The following KLRG1 variants were observed in gnomAD, a reference collection of about 807,000 sequenced individuals.
The protein encoded by KLRG1 is killer cell lectin-like receptor subfamily G member 1.
KLRG1 carries 16 observed loss-of-function variants against 21.8 expected under a neutral mutation model. That is an observed-to-expected ratio of 0.73 (90% CI 0.50 to 1.11). The LOEUF (loss-of-function observed/expected upper bound fraction) is 1.11. KLRG1 is among the 50% of genes most tolerant of loss of function. The pLI, the probability that KLRG1 is intolerant of heterozygous loss-of-function variation, is 0.00. For synonymous variants in KLRG1, 69 were observed against 75.9 expected, an observed-to-expected ratio of 0.91 and a Z score of 0.47; for missense variants, 173 against 218.3, an observed-to-expected ratio of 0.79 and a Z score of 1.31.
upstream of KLRG1, among the ~76,000 whole-genome samples, chr12:8,986,351 G>A (rs1226275466): frequency 6.6e-6 from 1 of 152,194 alleles, no homozygotes; most frequent in African/African-American, 2.4e-5. Flanking sequence ...TCAAAGGGAG[G>A]AGAGTTAAAT....
At chr12:9,164,819 T>C in the KLRG1 span, among the ~76,000 whole-genome samples, 1 of 152,218 alleles carries the variant, frequency 6.6e-6, no homozygotes, top group African/African-American at 2.4e-5. Context: ...ATGACTCTCG[T>C]GGAACTGAGA....
At chr12:9,095,708 A>T in the KLRG1 span, 7 of 1,561,354 alleles carry the variant, frequency 4.5e-6, no homozygotes, top group East Asian at 1.6e-4. Context: ...AACCTGTACA[A>T]ATACGAAAGA....
At chr12:9,096,845 C>A in the KLRG1 span, among the ~76,000 whole-genome samples, 5 of 152,300 alleles carry the variant, frequency 3.3e-5, no homozygotes, top group South Asian at 6.2e-4. Context: ...ATGAGACATA[C>A]ATTTTTATCT....
chr12:9,060,646 G>A, the KLRG1 span, among the ~76,000 whole-genome samples: 3 of 151,798 alleles, frequency 2.0e-5, no homozygotes, highest in African/African-American at 4.8e-5. Flanking sequence ...ACAAAAAAAC[G>A]AAAACAAAAA....
chr12:9,031,755 C>T, the KLRG1 span, among the ~76,000 whole-genome samples: 3 of 152,254 alleles, frequency 2.0e-5, no homozygotes, highest in African/African-American at 7.2e-5. Flanking sequence ...GCATTGGTTT[C>T]GCTCAGAAAG....
the KLRG1 span, chr12:9,101,305 A>C: frequency 7.3e-7 from 1 of 1,378,348 alleles, no homozygotes; most frequent in Non-Finnish European, 1.0e-6. Context: ...TGCCGGCAAT[A>C]ATTCACCTCA....
At chr12:9,194,620 C>A in the KLRG1 span, among the ~76,000 whole-genome samples, 58 of 152,068 alleles carry the variant, frequency 3.8e-4, no homozygotes, top group Admixed American at 1.0e-3. Context: ...GCCCGCCACC[C>A]CGCCCAGCTA....
At chr12:9,141,085 G>A in the KLRG1 span, among the ~76,000 whole-genome samples, 1 of 152,124 alleles carries the variant, frequency 6.6e-6, no homozygotes, top group Non-Finnish European at 1.5e-5. Context: ...AAGTTTTATA[G>A]TAGCCATAAA....
the KLRG1 span, among the ~76,000 whole-genome samples, chr12:9,143,229 A>G: frequency 2.0e-5 from 3 of 152,338 alleles, no homozygotes; most frequent in Non-Finnish European, 4.4e-5. Flanking sequence ...GGTGCTGTTT[A>G]ATCTGTGACA....
chr12:8,965,403 G>C (rs565780764), intron 1 of KLRG1, among the ~76,000 whole-genome samples: 1 of 152,208 alleles, frequency 6.6e-6, no homozygotes, highest in Non-Finnish European at 1.5e-5. Flanking sequence ...AATTGTCCCT[G>C]TTTGCAGATG....
At chr12:9,105,798 T>A in the KLRG1 span, among the ~76,000 whole-genome samples, 1 of 152,218 alleles carries the variant, frequency 6.6e-6, no homozygotes, top group Non-Finnish European at 1.5e-5. Flanking sequence ...CTTTAATACT[T>A]CAAAATAAAA....
At chr12:8,977,914 A>G (rs963346168) in intron 1 of KLRG1, among the ~76,000 whole-genome samples, 3 of 152,040 alleles carry the variant, frequency 2.0e-5, no homozygotes, top group Non-Finnish European at 2.9e-5. Flanking sequence ...GCTGGAGTGC[A>G]GTAGCCCCAT....
intron 1 of KLRG1, among the ~76,000 whole-genome samples, chr12:8,976,049 G>A (rs1946652931): frequency 6.6e-6 from 1 of 151,780 alleles, no homozygotes; most frequent in African/African-American, 2.4e-5. Context: ...GTTTTTTGAG[G>A]TGTGAAGTTA....
the KLRG1 span, among the ~76,000 whole-genome samples, chr12:9,172,783 T>A: frequency 6.6e-6 from 1 of 152,222 alleles, no homozygotes; most frequent in African/African-American, 2.4e-5. Flanking sequence ...CTAACTATCC[T>A]AAATATATAT....
chr12:9,107,574 C>T, the KLRG1 span: 1,578 of 1,613,946 alleles, frequency 9.8e-4, 12 homozygotes, highest in African/African-American at 0.017. Context: ...CCGTGGCAGT[C>T]GGAAGCGTCA....
the KLRG1 span, among the ~76,000 whole-genome samples, chr12:9,212,023 T>C: frequency 6.6e-6 from 1 of 152,204 alleles, no homozygotes; most frequent in African/African-American, 2.4e-5. Context: ...ACGAGATATG[T>C]GGATGAATGT....
intron 1 of KLRG1, among the ~76,000 whole-genome samples, chr12:8,974,623 G>A (rs1048516614): frequency 3.3e-5 from 5 of 152,138 alleles, no homozygotes; most frequent in Non-Finnish European, 7.3e-5. Flanking sequence ...CATCTATTGA[G>A]ATAATCAAAA....
the KLRG1 span, among the ~76,000 whole-genome samples, chr12:9,100,479 A>G: frequency 2.5e-4 from 38 of 151,994 alleles, no homozygotes; most frequent in African/African-American, 7.7e-4. Flanking sequence ...GGGTCTCACT[A>G]TGTTGACCAG....
the KLRG1 span, chr12:9,192,413 G>A: frequency 3.1e-6 from 4 of 1,288,678 alleles, no homozygotes; most frequent in Non-Finnish European, 4.5e-6. Context: ...AGAACACAAG[G>A]TGGCTGTGTG....
Sources: allele counts gnomAD v4.1 joint callset (sites outside exome capture counted in the v4.1 genomes callset), GRCh38; gene constraint gnomAD v4.1.1; transcripts MANE v1.5; gene names NCBI Gene and HGNC (gene_info 2026-07-23, HGNC 2026-07-21).